DOCK2: variants seen among roughly 807,000 people sequenced by gnomAD.
The protein encoded by DOCK2 is dedicator of cytokinesis 2.
DOCK2 carries 87 observed loss-of-function variants against 248.9 expected under a neutral mutation model. That is an observed-to-expected ratio of 0.35 (90% CI 0.29 to 0.42). DOCK2 has a LOEUF of 0.42. Ranked by LOEUF, DOCK2 falls within the 10% of genes least tolerant of loss-of-function variation. The probability of loss-of-function intolerance (pLI) is 1.00; values close to 1 mark genes in which losing one functional copy is unlikely to be tolerated. For synonymous variants in DOCK2, 805 were observed against 821.6 expected (o/e 0.98, Z 0.35); for missense variants, 1,747 against 2,300.2 (o/e 0.76, Z 4.92).
At chr5:169,703,428 A>G (rs1483700845) in intron 14 of DOCK2, among the ~76,000 whole-genome samples, 1 of 152,234 alleles carries the variant, frequency 6.6e-6, no homozygotes, top group Non-Finnish European at 1.5e-5. Flanking sequence ...TGTCACTTAC[A>G]GTAACTCGCC....
At chr5:169,805,524 G>C (rs1225655721) in intron 26 of DOCK2, among the ~76,000 whole-genome samples, 2 of 152,246 alleles carry the variant, frequency 1.3e-5, no homozygotes, top group East Asian at 3.8e-4. Context: ...GAATATGCCA[G>C]TGGCCCCCAG....
chr5:169,809,823 C>T (rs1292717806), intron 26 of DOCK2, among the ~76,000 whole-genome samples: 1 of 152,256 alleles, frequency 6.6e-6, no homozygotes, highest in Admixed American at 6.5e-5. Context: ...GCCGTTCACA[C>T]TGCCTGAATG....
chr5:169,866,041 G>A (rs913023322), intron 27 of DOCK2, among the ~76,000 whole-genome samples: 1 of 148,520 alleles, frequency 6.7e-6, no homozygotes. Context: ...GGGGCGAGGG[G>A]GCCTGTTTTA....
intron 22 of DOCK2, among the ~76,000 whole-genome samples, chr5:169,745,298 C>T (rs1763548820): frequency 1.3e-5 from 2 of 152,158 alleles, no homozygotes; most frequent in South Asian, 2.1e-4. Context: ...AAGTTTCAAC[C>T]TCTTGAGAGT....
intron 5 of DOCK2, among the ~76,000 whole-genome samples, chr5:169,672,290 G>A (rs1759092145): frequency 6.6e-6 from 1 of 152,056 alleles, no homozygotes; most frequent in African/African-American, 2.4e-5. Context: ...TTACAGGCAT[G>A]AGCCACCACG....
At chr5:169,732,730 A>G (rs1337435404) in intron 22 of DOCK2, among the ~76,000 whole-genome samples, 1 of 151,986 alleles carries the variant, frequency 6.6e-6, no homozygotes, top group African/African-American at 2.4e-5. Context: ...CTCCTACTCC[A>G]TGTTCTCACC....
chr5:169,857,858 C>A (rs181092045), intron 27 of DOCK2, among the ~76,000 whole-genome samples: 63 of 151,962 alleles, frequency 4.1e-4, no homozygotes, highest in Non-Finnish European at 8.4e-4. Context: ...AACTTGAATG[C>A]AGATATTCTC....
At chr5:169,672,770 C>A (rs958922660) in intron 5 of DOCK2, among the ~76,000 whole-genome samples, 3 of 152,224 alleles carry the variant, frequency 2.0e-5, no homozygotes, top group Non-Finnish European at 2.9e-5. Flanking sequence ...ATTCTCACTA[C>A]CCCTCCCTGC....
Position 169,689,314 on chromosome 5 carries a change from A to C in DOCK2, c.824A>C (p.Asn275Thr). 1.9e-6 allele frequency: 3 copies of C among 1,614,030 alleles called. No individual in the cohort carries two copies. The highest frequency in any genetic ancestry group is 2.5e-6 in the Non-Finnish European group (3 of 1,179,962). Residue 275 changes from asparagine (N) to threonine (T), a missense_variant, in exon 9 of 52, where the codon AAT becomes ACT. Around this residue, in one of 4 missense-constraint regions of DOCK2, gnomAD observed 375 missense variants for 510.9 expected, o/e 0.73. Transcript: ENST00000520908. The stretch of plus-strand genomic sequence containing the variant: ...CCTAAGGAGATTGAGATGCTCAACA[A>C]TCTGAAGGTGGTCTTCACGGTGAGT... ...GFPKEIEMLNNLKVVFTDLGN... is the reference protein window; with the variant it reads ...GFPKEIEMLNTLKVVFTDLGN...
At chr5:169,707,977 TC>T (rs1446878118) in intron 14 of DOCK2, among the ~76,000 whole-genome samples, 191 bp from the exon 15 acceptor site, 1 of 152,188 alleles carries the variant, frequency 6.6e-6, no homozygotes, top group East Asian at 1.9e-4. Context: ...TGCCTGTCAG[TC>T]CTGTGGCTGG....
intron 38 of DOCK2, 133 bp from the exon 39 acceptor site, chr5:170,045,683 G>C: frequency 2.4e-6 from 2 of 837,444 alleles, no homozygotes; most frequent in Middle Eastern, 3.2e-4. Context: ...CCTCTGTATG[G>C]GGGTGGATCT....
At chr5:169,965,574 A>C (rs143562023) in intron 27 of DOCK2, among the ~76,000 whole-genome samples, 24 of 152,296 alleles carry the variant, frequency 1.6e-4, no homozygotes, top group Admixed American at 1.4e-3. Flanking sequence ...TATTAAGATC[A>C]CCCAGGGAGC....
chr5:169,967,227 C>G (rs539621746), intron 27 of DOCK2, among the ~76,000 whole-genome samples: 4 of 152,170 alleles, frequency 2.6e-5, no homozygotes, highest in Admixed American at 2.6e-4. Context: ...AGAGGAGGGC[C>G]CTGACCACAG....
intron 23 of DOCK2, among the ~76,000 whole-genome samples, chr5:169,756,583 G>T (rs1426714657): frequency 6.6e-6 from 1 of 152,084 alleles, no homozygotes; most frequent in Non-Finnish European, 1.5e-5. Flanking sequence ...GGCCCTGAGG[G>T]CTGTATGTTC....
Position 169,700,097 on chromosome 5 carries a change from G to C in DOCK2, c.1216G>C (p.Val406Leu), listed in dbSNP as rs761943047. The C allele has an allele frequency of 1.2e-6, 2 of 1,614,006 alleles. No homozygotes were observed. Among genetic ancestry groups the C allele is most frequent in the Non-Finnish European group, 1.7e-6 (2 of 1,179,884 alleles). The change falls in exon 13 of 52, where the codon GTG becomes CTG. Residue 406 changes from valine to leucine, a missense_variant. By Grantham distance (32) the Val-to-Leu change is conservative (BLOSUM62 1). Transcript: ENST00000520908. ...TCCACACCTGGTGGACAGGACCACC[G>C]TGGTGGCCAGGAAGCTGGGATTCCC... is the stretch of plus-strand genomic sequence containing the variant. ...DYPHLVDRTT[V>L]VARKLGFPEI...
intron 22 of DOCK2, among the ~76,000 whole-genome samples, chr5:169,746,453 G>T (rs1208111158): frequency 6.6e-6 from 1 of 152,144 alleles, no homozygotes; most frequent in Non-Finnish European, 1.5e-5. Flanking sequence ...CTTTGCCAAG[G>T]CCCGGGCACA....
chr5:169,713,937 A>G (rs2113534672), intron 17 of DOCK2, 91 bp from the exon 18 acceptor site: 1 of 1,406,982 alleles, frequency 7.1e-7, no homozygotes, highest in Non-Finnish European at 9.5e-7. Context: ...GACTCTCCCC[A>G]CTTCACAGTG....
At chr5:169,669,616 C>T (rs889473105) in intron 3 of DOCK2, among the ~76,000 whole-genome samples, 4 of 152,130 alleles carry the variant, frequency 2.6e-5, no homozygotes, top group Admixed American at 6.5e-5. Flanking sequence ...TGGAATTGTG[C>T]GTTATAAATT....
intron 22 of DOCK2, among the ~76,000 whole-genome samples, chr5:169,727,214 C>T (rs899786117): frequency 2.0e-5 from 3 of 152,242 alleles, no homozygotes; most frequent in African/African-American, 7.2e-5. Flanking sequence ...GAAGCCTCTC[C>T]TCTGTGCTTG....
Sources: allele counts gnomAD v4.1 joint callset (sites outside exome capture counted in the v4.1 genomes callset), GRCh38; gene constraint gnomAD v4.1.1; regional missense constraint gnomAD v4.1.1; transcripts MANE v1.5; gene names NCBI Gene and HGNC (gene_info 2026-07-23, HGNC 2026-07-21).